Variants in RBM47 observed in about 807,000 individuals in gnomAD.
RBM47 encodes RNA-binding protein 47.
A neutral mutation model predicts 47.1 loss-of-function variants in RBM47; 21 were observed. The observed-to-expected ratio is 0.45, with a 90% CI of 0.32 to 0.64. RBM47 has a LOEUF of 0.64. Ranked by LOEUF, RBM47 falls within the 30% of genes least tolerant of loss-of-function variation. The pLI is 0.05. For synonymous variants in RBM47, 375 were observed against 361.7 expected, an observed-to-expected ratio of 1.04 and a Z score of -0.42; for missense variants, 708 against 870.9, an observed-to-expected ratio of 0.81 and a Z score of 2.35.
chr4:40,592,784 C>T (rs1166678504), intron 1 of RBM47, among the ~76,000 whole-genome samples: 2 of 150,604 alleles, frequency 1.3e-5, no homozygotes, highest in Non-Finnish European at 3.0e-5. Flanking sequence ...GTCTCAAACT[C>T]CTGAGCTCAG....
At chr4:40,449,916 A>G (rs1344374919) in intron 3 of RBM47, among the ~76,000 whole-genome samples, 1 of 152,112 alleles carries the variant, frequency 6.6e-6, no homozygotes, top group Non-Finnish European at 1.5e-5. Context: ...TCCTGGCCTC[A>G]AATGATCCGC....
chr4:40,492,643 G>A (rs1044662412), intron 2 of RBM47, among the ~76,000 whole-genome samples: 3 of 152,164 alleles, frequency 2.0e-5, no homozygotes, highest in African/African-American at 7.2e-5. Context: ...TTACAGAGAA[G>A]TTTCCTTATG....
intron 2 of RBM47, among the ~76,000 whole-genome samples, chr4:40,478,009 C>CTTTTTTTTTTTTTTTT (rs1194806938): frequency 1.2e-4 from 10 of 86,382 alleles, no homozygotes; most frequent in African/African-American, 4.4e-4. Context: ...GTGGCATGTT[C>CTTTTTTTTTTTTTTTT]TTTTTTTTTT....
At chr4:40,626,732 C>CG (rs1737777404) in intron 1 of RBM47, among the ~76,000 whole-genome samples, 1 of 152,132 alleles carries the variant, frequency 6.6e-6, no homozygotes, top group East Asian at 1.9e-4. Context: ...ACAGAATAGA[C>CG]GGGGAAGCAA....
At chr4:40,524,085 G>T (rs751138186) in intron 2 of RBM47, among the ~76,000 whole-genome samples, 5 of 152,138 alleles carry the variant, frequency 3.3e-5, no homozygotes, top group African/African-American at 4.8e-5. Flanking sequence ...TGTCTGTGAA[G>T]ATGTCCAGAG....
intron 1 of RBM47, among the ~76,000 whole-genome samples, chr4:40,590,712 AGAAAT>A (rs1310540814): frequency 2.0e-5 from 3 of 152,250 alleles, no homozygotes; most frequent in African/African-American, 7.2e-5. Context: ...TCAGTCTTAA[AGAAAT>A]GAAGTGCTGG....
intron 2 of RBM47, among the ~76,000 whole-genome samples, chr4:40,508,201 T>G (rs1481313796): frequency 2.0e-5 from 3 of 152,234 alleles, no homozygotes; most frequent in Non-Finnish European, 2.9e-5. Context: ...TTTTCACGTT[T>G]TGTTCAGCCT....
chr4:40,475,024 T>C lies in RBM47; in HGVS notation c.-154-8325A>G, dbSNP rs946438902. The stretch of plus-strand genomic sequence containing the variant: ...TCATTTGAGTTAATATTAAAACAAA[T>C]TTTGAATAGCATATAAAATATAACT... On this transcript the variant is annotated intron_variant, in intron 2 of 6. Coordinates refer to ENST00000295971, the MANE Select transcript of RBM47 (RefSeq NM_001098634.2). Among the ~76,000 whole-genome samples, 15 of 152,320 alleles carry C rather than the reference T, an allele frequency of 9.8e-5. No homozygotes were observed. The South Asian group carries it at 1.2e-3, about 13-fold the overall frequency.
intron 6 of RBM47, among the ~76,000 whole-genome samples, chr4:40,430,249 C>A (rs1715765774): frequency 6.7e-6 from 1 of 150,244 alleles, no homozygotes. Context: ...CAAAAACAAA[C>A]AAAAAAAAAA....
rs1458567585 is a variant in RBM47 at position 40,423,650 on chromosome 4, CTTTTTCTTTCTTTCTTTCTT to C, written c.*2234_*2253del. ...TATCATTTTTTTTTATTCTTTCTTTCTTTTTCTTTCTTTCTTTCTTTCTTTCTTTCTTTCTTTCTTTCTTT... is the reference window on the plus strand; with the variant it reads ...TATCATTTTTTTTTATTCTTTCTTTCTCTTTCTTTCTTTCTTTCTTTCTTT... On this transcript the variant is annotated 3_prime_UTR_variant, in exon 7 of 7. Transcript: ENST00000295971. The C allele has an allele frequency of 2.1e-4, 28 of 135,016 alleles. No individual in the cohort carries two copies. Among genetic ancestry groups the C allele is most frequent in the Non-Finnish European group, 3.2e-4 (20 of 62,484 alleles). The allele number at this position is 135,016 out of a possible 1,614,324, so 8.4% of individuals were successfully genotyped here. A position where few individuals can be genotyped will look rare whatever the true frequency, so the allele number is the denominator to read the frequency against.
intron 2 of RBM47, among the ~76,000 whole-genome samples, chr4:40,516,692 G>A (rs1418171506): frequency 6.6e-6 from 1 of 152,226 alleles, no homozygotes; most frequent in African/African-American, 2.4e-5. Flanking sequence ...CAAGGTCACT[G>A]AGCCATTGCT....
At chr4:40,578,712 C>T (rs751268982) in intron 1 of RBM47, among the ~76,000 whole-genome samples, 10 of 152,234 alleles carry the variant, frequency 6.6e-5, no homozygotes, top group Non-Finnish European at 1.5e-4. Flanking sequence ...TGACTTCTCA[C>T]TGCCTCAGTT....
chr4:40,570,720 T>A (rs960804272), intron 1 of RBM47, among the ~76,000 whole-genome samples: 1 of 152,022 alleles, frequency 6.6e-6, no homozygotes, highest in Admixed American at 6.6e-5. Flanking sequence ...AAAATAATCA[T>A]GATAATGTTT....
intron 3 of RBM47, among the ~76,000 whole-genome samples, chr4:40,441,274 C>CA (rs71196868): frequency 0.68 from 96,189 of 141,278 alleles, 35,536 homozygotes; most frequent in Non-Finnish European, 0.82. Context: ...AAAAAGGAAC[C>CA]AAAAAAAAAA....
At chr4:40,443,561 T>C (rs1714005992) in intron 3 of RBM47, among the ~76,000 whole-genome samples, 1 of 151,186 alleles carries the variant, frequency 6.6e-6, no homozygotes, top group Admixed American at 6.6e-5. Flanking sequence ...CTAATAAAAA[T>C]ACAAAATTAG....
At chr4:40,565,804 A>G (rs911965662) in intron 1 of RBM47, among the ~76,000 whole-genome samples, 2 of 152,174 alleles carry the variant, frequency 1.3e-5, no homozygotes, top group African/African-American at 4.8e-5. Flanking sequence ...TGGACCCAGC[A>G]GCTCATGCCT....
Position 40,426,104 on chromosome 4 carries a change from C to A in RBM47, c.1582G>T (p.Val528Phe). The A allele has an allele frequency of 6.2e-7, 1 of 1,614,170 alleles. No homozygotes were observed. Among genetic ancestry groups the A allele is most frequent in the Non-Finnish European group, 8.5e-7 (1 of 1,180,040 alleles). Residue 528 changes from valine (V) to phenylalanine (F), a missense_variant, in exon 7 of 7, where the codon GTT becomes TTT. Transcript: ENST00000295971. The part of the protein sequence containing the change: ...ITPVYTVAPN[V>F]QRIPTAGIYG... Reference sequence around the variant, plus strand: ...ATCCCGGCAGTAGGAATTCTCTGAACGTTTGGAGCCACCGTGTATACTGGA... The same window carrying A: ...ATCCCGGCAGTAGGAATTCTCTGAAAGTTTGGAGCCACCGTGTATACTGGA...
chr4:40,473,055 C>A (rs1719140473), intron 2 of RBM47, among the ~76,000 whole-genome samples: 1 of 152,100 alleles, frequency 6.6e-6, no homozygotes, highest in Admixed American at 6.6e-5. Flanking sequence ...CAAGTCTAAA[C>A]CAAATTGAGA....
At chr4:40,442,812 T>C (rs889981496) in intron 3 of RBM47, among the ~76,000 whole-genome samples, 1 of 152,186 alleles carries the variant, frequency 6.6e-6, no homozygotes, top group Non-Finnish European at 1.5e-5. Context: ...TAACTGGGAC[T>C]ACAGGCGCAC....
Sources: allele counts gnomAD v4.1 joint callset (sites outside exome capture counted in the v4.1 genomes callset), GRCh38; gene constraint gnomAD v4.1.1; transcripts MANE v1.5; gene names NCBI Gene and HGNC (gene_info 2026-07-23, HGNC 2026-07-21).